The following SHANK2 variants were observed in gnomAD, a reference collection of about 807,000 sequenced individuals.
SHANK2 encodes the protein SH3 and multiple ankyrin repeat domains protein 2.
In SHANK2, 43 loss-of-function variants were observed where a neutral mutation model predicts 133.7. The ratio of observed to expected loss-of-function variants is 0.32; its 90% confidence interval spans 0.25 to 0.41. SHANK2 has a LOEUF of 0.41. SHANK2 is among the 10% of genes least tolerant of loss of function. SHANK2 has a pLI of 1.00. For missense variants in SHANK2, 1,994 were observed against 2,235.8 expected, an observed-to-expected ratio of 0.89 and a Z score of 2.18; for synonymous variants, 1,017 against 952.8, an observed-to-expected ratio of 1.07 and a Z score of -1.24.
At chr11:70,916,527 C>T (rs576928837) in intron 10 of SHANK2, among the ~76,000 whole-genome samples, 3 of 152,130 alleles carry the variant, frequency 2.0e-5, no homozygotes, top group East Asian at 1.9e-4. Flanking sequence ...ACAGCTGCCC[C>T]GCCACCCTTT....
chr11:71,148,259 T>A (rs1321294702), intron 2 of SHANK2, among the ~76,000 whole-genome samples: 1 of 152,186 alleles, frequency 6.6e-6, no homozygotes, highest in African/African-American at 2.4e-5. Flanking sequence ...TAATTTTGTA[T>A]CTTTAGTAGA....
rs148250082 is a variant in SHANK2, at chr11:70,792,195, T to TCAAC, written c.1777+6244_1777+6247dup. On this transcript the variant is annotated intron_variant, in intron 14 of 25. Coordinates refer to ENST00000601538, the MANE Select transcript of SHANK2 (RefSeq NM_012309.5). ...ACCAACCAGTCAGCCAGACAGCTAATCAACCAACCAACCAACCAACCAACT... is the reference window on the plus strand; with the variant it reads ...ACCAACCAGTCAGCCAGACAGCTAATCAACCAACCAACCAACCAACCAACCAACT... 2.7e-3 allele frequency among the ~76,000 whole-genome samples: 392 copies of TCAAC among 145,112 alleles called. 2 individuals carry two copies. Among genetic ancestry groups the TCAAC allele is most frequent in the African/African-American group, 8.7e-3 (338 of 38,754 alleles).
intron 8 of SHANK2, among the ~76,000 whole-genome samples, chr11:71,076,689 G>A (rs1399455240): frequency 6.6e-6 from 1 of 152,136 alleles, no homozygotes; most frequent in Non-Finnish European, 1.5e-5. Context: ...AACTCCACCT[G>A]CGTTTGCCTT....
intron 10 of SHANK2, among the ~76,000 whole-genome samples, chr11:70,920,170 A>C (rs1286335407): frequency 6.6e-6 from 1 of 152,244 alleles, no homozygotes; most frequent in African/African-American, 2.4e-5. Context: ...GTACTACCCA[A>C]TACACAAGCA....
In SHANK2 at chr11:70,607,113, C is replaced by T. The variant is rs7127850; in HGVS notation, c.2061+52715G>A. Among the ~76,000 whole-genome samples, 910 of 152,298 alleles carry T rather than the reference C, an allele frequency of 6.0e-3. 5 individuals carry two copies. The highest frequency in any genetic ancestry group is 0.02 in the African/African-American group (839 of 41,574). Reference sequence around the variant, plus strand: ...CAGCCCTCTTCTGTGGCCCCTCAGACGGGGGCGGCCTTCCTGGAAACATCC... The same window carrying T: ...CAGCCCTCTTCTGTGGCCCCTCAGATGGGGGCGGCCTTCCTGGAAACATCC... On this transcript the variant is annotated intron_variant, in intron 17 of 25. Coordinates refer to ENST00000601538, the MANE Select transcript of SHANK2 (RefSeq NM_012309.5).
intron 15 of SHANK2, among the ~76,000 whole-genome samples, chr11:70,663,315 C>T (rs1944612269): frequency 6.6e-6 from 1 of 152,134 alleles, no homozygotes; most frequent in South Asian, 2.1e-4. Flanking sequence ...AGCACAGCCA[C>T]CCCGGATTGG....
Position 70,487,443 on chromosome 11 carries a change from C to A in SHANK2, c.2850G>T (p.Met950Ile), listed in dbSNP as rs1555154475. 1 of 1,613,994 alleles carries A rather than the reference C, an allele frequency of 6.2e-7. No homozygotes were observed. The highest frequency in any genetic ancestry group is 1.1e-5 in the South Asian group (1 of 91,088). ...TVATMMREKG[M>I]YFRRELDRYS... is the part of the protein sequence containing the mutation. Reference sequence around the variant, plus strand: ...AGCGGTCCAGCTCTCTCCTGAAGTACATCCCCTTCTCCCTCATCATGGTGG... The same window carrying A: ...AGCGGTCCAGCTCTCTCCTGAAGTAAATCCCCTTCTCCCTCATCATGGTGG... Residue 950 changes from methionine to isoleucine, a missense_variant, in exon 25 of 26, where the codon ATG becomes ATT. Coordinates refer to ENST00000601538, the MANE Select transcript of SHANK2 (RefSeq NM_012309.5). The surrounding 1 kb of genome is among the most constrained non-coding windows in gnomAD (Gnocchi z 5.8).
chr11:70,657,130 T>C (rs181695199), intron 17 of SHANK2, among the ~76,000 whole-genome samples: 8 of 152,300 alleles, frequency 5.3e-5, no homozygotes, highest in African/African-American at 9.6e-5. Flanking sequence ...TGTCACACTT[T>C]CGAGGTTCTT....
At chr11:71,145,521 G>T (rs1952626975) in intron 3 of SHANK2, among the ~76,000 whole-genome samples, 2 of 152,244 alleles carry the variant, frequency 1.3e-5, no homozygotes, top group Admixed American at 1.3e-4. Flanking sequence ...CTCTCTCAGA[G>T]GGAGCAGGGC....
chr11:70,629,140 G>C (rs1389069597), intron 17 of SHANK2, among the ~76,000 whole-genome samples: 1 of 152,070 alleles, frequency 6.6e-6, no homozygotes, highest in Non-Finnish European at 1.5e-5. Flanking sequence ...TCCCTCCTCT[G>C]TCAGTGTTCC....
At chr11:70,786,916 C>T (rs923052615) in intron 14 of SHANK2, among the ~76,000 whole-genome samples, 1 of 151,972 alleles carries the variant, frequency 6.6e-6, no homozygotes, top group Non-Finnish European at 1.5e-5. Flanking sequence ...CTATCACCAT[C>T]AATAGAATCA....
At chr11:70,501,070 C>T (rs2059043904) in intron 20 of SHANK2, among the ~76,000 whole-genome samples, 1 of 147,546 alleles carries the variant, frequency 6.8e-6, no homozygotes, top group Admixed American at 6.6e-5. Context: ...CAGGACAGGC[C>T]TCTGTGGAGA....
chr11:70,579,616 C>T (rs143777730), intron 17 of SHANK2, among the ~76,000 whole-genome samples: 2,333 of 152,332 alleles, frequency 0.015, 23 homozygotes, highest in Non-Finnish European at 0.022. Context: ...GGGCCTGGGC[C>T]GGATCCCAGG....
At chr11:70,476,270 G>A (rs544531285) in intron 25 of SHANK2, among the ~76,000 whole-genome samples, 2 of 152,026 alleles carry the variant, frequency 1.3e-5, no homozygotes, top group East Asian at 1.9e-4. Flanking sequence ...CAAAAAACCC[G>A]AAATCAAATC....
intron 17 of SHANK2, among the ~76,000 whole-genome samples, chr11:70,605,367 G>A (rs575373744): frequency 3.3e-5 from 5 of 152,334 alleles, no homozygotes; most frequent in East Asian, 1.9e-4. Context: ...GGGTGAGCCC[G>A]CGACAGGCGC....
At chr11:70,938,088 CA>C (rs1362368837) in intron 10 of SHANK2, among the ~76,000 whole-genome samples, 3 of 152,132 alleles carry the variant, frequency 2.0e-5, no homozygotes, top group Non-Finnish European at 4.4e-5. Flanking sequence ...ATAATTACAG[CA>C]GGAATGAGTC....
intron 10 of SHANK2, among the ~76,000 whole-genome samples, chr11:70,900,380 AG>A (rs1555076522): frequency 6.6e-6 from 1 of 152,096 alleles, no homozygotes; most frequent in Non-Finnish European, 1.5e-5. Flanking sequence ...TGCTATGATT[AG>A]AAAAATGATG....
chr11:70,805,485 T>C (rs1555051621), intron 13 of SHANK2, among the ~76,000 whole-genome samples: 1 of 152,210 alleles, frequency 6.6e-6, no homozygotes, highest in Non-Finnish European at 1.5e-5. Context: ...TGGCCCCTCT[T>C]GCTCCCCCAC....
chr11:70,700,884 T>C (rs2134502131), intron 14 of SHANK2, among the ~76,000 whole-genome samples: 1 of 152,354 alleles, frequency 6.6e-6, no homozygotes, highest in South Asian at 2.1e-4. Context: ...GACATTTATG[T>C]TGGGCCATGC....
Sources: gnomAD v4.1 joint callset for allele counts (sites outside exome capture counted in the v4.1 genomes callset) on GRCh38, gnomAD v4.1.1 for gene constraint, Gnocchi (gnomAD v3.1) non-coding constraint, MANE v1.5 for transcripts, NCBI Gene and HGNC (gene_info 2026-07-23, HGNC 2026-07-21) for gene names.